Variants in TRHDE observed in about 807,000 individuals in gnomAD.
TRHDE encodes the protein thyrotropin releasing hormone degrading enzyme.
Under a neutral mutation model 125.7 loss-of-function variants are expected in TRHDE, and 72 were observed. That is an observed-to-expected ratio of 0.57 (90% CI 0.47 to 0.70). TRHDE has a LOEUF of 0.70. Ranked by LOEUF, TRHDE falls within the 30% of genes least tolerant of loss-of-function variation. The pLI, the probability that TRHDE is intolerant of heterozygous loss-of-function variation, is 0.00. For synonymous variants in TRHDE, 509 were observed against 509.1 expected, an observed-to-expected ratio of 1.00 and a Z score of 0.00; for missense variants, 1,110 against 1,327.1, an observed-to-expected ratio of 0.84 and a Z score of 2.54.
intron 12 of TRHDE, among the ~76,000 whole-genome samples, chr12:72,580,264 T>A (rs1295480636): frequency 6.6e-6 from 1 of 152,206 alleles, no homozygotes; most frequent in South Asian, 2.1e-4. Context: ...TTTCCTCATT[T>A]TTGAAAAGGT....
chr12:72,292,090 T>G (rs147523662), intron 2 of TRHDE, among the ~76,000 whole-genome samples: 65 of 152,370 alleles, frequency 4.3e-4, no homozygotes, highest in African/African-American at 1.4e-3. Flanking sequence ...TTTGTCTACT[T>G]TGAGGCTTTG....
chr12:72,273,388 C>G lies in TRHDE; in HGVS notation c.745C>G (p.Pro249Ala). The G allele has an allele frequency of 1.2e-6, 2 of 1,614,146 alleles. No individual in the cohort carries two copies. The highest frequency in any genetic ancestry group is 1.7e-6 in the Non-Finnish European group (2 of 1,180,024). Residue 249 changes from proline to alanine, a missense_variant, in exon 1 of 19, where the codon CCT becomes GCT. Coordinates refer to ENST00000261180, the MANE Select transcript of TRHDE (RefSeq NM_013381.3). The surrounding 1 kb of genome is among the most constrained non-coding windows in gnomAD (Gnocchi z 5.3). ...CGAGGACCGGGCGTTCGGGGCTGTC[C>G]CTGTAGCCGGTTTTTTCCTCTACCC... ...LAEDRAFGAV[P>A]VAGFFLYPQT... is the part of the protein sequence containing the mutation.
At chr12:72,279,913 C>T (rs1435893906) in intron 1 of TRHDE, among the ~76,000 whole-genome samples, 2 of 151,892 alleles carry the variant, frequency 1.3e-5, no homozygotes, top group African/African-American at 4.8e-5. Flanking sequence ...GACTACACAA[C>T]TAAAAAAAGA....
intron 2 of TRHDE, among the ~76,000 whole-genome samples, chr12:72,245,971 A>G (rs1467067638): frequency 6.6e-6 from 1 of 152,202 alleles, no homozygotes; most frequent in Non-Finnish European, 1.5e-5. Flanking sequence ...ACAAAGTACC[A>G]TACTATATTT....
chr12:72,202,319 A>T (rs941360720), intron 2 of TRHDE, among the ~76,000 whole-genome samples: 3 of 152,174 alleles, frequency 2.0e-5, no homozygotes, highest in Non-Finnish European at 2.9e-5. Flanking sequence ...ATTCATTTAG[A>T]TGCCTCAGGG....
At chr12:72,204,847 G>T (rs1300011346) in intron 2 of TRHDE, among the ~76,000 whole-genome samples, 1 of 152,198 alleles carries the variant, frequency 6.6e-6, no homozygotes, top group Non-Finnish European at 1.5e-5. Context: ...GGGTTGAGTT[G>T]CTTTGTCCTA....
intron 6 of TRHDE, among the ~76,000 whole-genome samples, chr12:72,506,221 G>A (rs1399848740): frequency 6.6e-6 from 1 of 152,088 alleles, no homozygotes; most frequent in Non-Finnish European, 1.5e-5. Flanking sequence ...TGATGGAGGA[G>A]GAATGCTTGG....
At chr12:72,532,184 ACTTTTC>A (rs752991286) in intron 6 of TRHDE, among the ~76,000 whole-genome samples, 9 of 151,836 alleles carry the variant, frequency 5.9e-5, no homozygotes, top group African/African-American at 9.7e-5. Context: ...ATTTGTTTGT[ACTTTTC>A]CTTTTGAGAA....
At chr12:72,581,639 A>G (rs1196814780) in intron 12 of TRHDE, among the ~76,000 whole-genome samples, 1 of 152,208 alleles carries the variant, frequency 6.6e-6, no homozygotes, top group East Asian at 1.9e-4. Flanking sequence ...TCTGTTATAG[A>G]CTACTCTGTT....
At chr12:72,616,555 C>T (rs935094846) in intron 12 of TRHDE, among the ~76,000 whole-genome samples, 4 of 151,898 alleles carry the variant, frequency 2.6e-5, no homozygotes, top group Non-Finnish European at 5.9e-5. Context: ...TATTTGTCAT[C>T]GTTTTTATTT....
chr12:72,609,465 CTTTTA>C (rs1320447279), intron 12 of TRHDE, among the ~76,000 whole-genome samples: 3 of 151,504 alleles, frequency 2.0e-5, no homozygotes, highest in Non-Finnish European at 2.9e-5. Context: ...ATTTTTTTAT[CTTTTA>C]TTTTAGTTTC....
intron 2 of TRHDE, among the ~76,000 whole-genome samples, chr12:72,374,512 C>T (rs747373502): frequency 5.9e-5 from 9 of 151,900 alleles, no homozygotes; most frequent in Non-Finnish European, 8.8e-5. Flanking sequence ...AGGCACTGAG[C>T]GTAGCAGAAA....
intron 7 of TRHDE, among the ~76,000 whole-genome samples, chr12:72,559,643 T>G (rs578143679): frequency 1.3e-5 from 2 of 152,320 alleles, no homozygotes; most frequent in African/African-American, 4.8e-5. Flanking sequence ...AAGTTAATAT[T>G]AAAACATTCT....
intron 3 of TRHDE, among the ~76,000 whole-genome samples, chr12:72,414,348 A>G (rs906478288): frequency 1.9e-4 from 29 of 152,116 alleles, no homozygotes; most frequent in Non-Finnish European, 3.4e-4. Flanking sequence ...GACAAGAGAG[A>G]CAACGAAATT....
rs183491444 is a variant in TRHDE, at chr12:72,521,134, C to T, written c.1723-21157C>T. Among the ~76,000 whole-genome samples, 6 of 152,300 alleles carry T rather than the reference C, an allele frequency of 3.9e-5. No individual in the cohort carries two copies. The East Asian group carries it at 1.2e-3, about 29-fold the overall frequency. ...GACTTTCACAGCAGAGAATACTATA[C>T]ATGTATCCAAATAATTTTTCCTTTC... On this transcript the variant is annotated intron_variant, in intron 6 of 18. Coordinates refer to ENST00000261180, the MANE Select transcript of TRHDE (RefSeq NM_013381.3).
intron 2 of TRHDE, among the ~76,000 whole-genome samples, chr12:72,197,856 C>CT (rs1280996966): frequency 2.0e-5 from 3 of 152,090 alleles, no homozygotes; most frequent in Non-Finnish European, 2.9e-5. Context: ...CTATTATTCT[C>CT]TATTATCGTA....
intron 1 of TRHDE, among the ~76,000 whole-genome samples, chr12:72,097,191 A>G (rs552371702): frequency 1.3e-5 from 2 of 152,282 alleles, no homozygotes; most frequent in African/African-American, 4.8e-5. Context: ...TCCTTGTCCA[A>G]TTTGAACAAA....
chr12:72,475,882 G>T (rs936839482), intron 5 of TRHDE, among the ~76,000 whole-genome samples: 2 of 152,074 alleles, frequency 1.3e-5, no homozygotes, highest in Non-Finnish European at 2.9e-5. Flanking sequence ...ATAGTGAGAA[G>T]AAACAAGTCT....
intron 5 of TRHDE, among the ~76,000 whole-genome samples, chr12:72,485,188 G>A (rs1877346409): frequency 6.6e-6 from 1 of 152,118 alleles, no homozygotes; most frequent in South Asian, 2.1e-4. Flanking sequence ...ACCCAGAGAA[G>A]GAGTGTGGCT....
Sources: allele counts gnomAD v4.1 joint callset (sites outside exome capture counted in the v4.1 genomes callset), GRCh38; gene constraint gnomAD v4.1.1; non-coding constraint Gnocchi (gnomAD v3.1); transcripts MANE v1.5; gene names NCBI Gene and HGNC (gene_info 2026-07-23, HGNC 2026-07-21).